KCNJ10: variants seen among roughly 807,000 people sequenced by gnomAD.
KCNJ10 encodes the protein ATP-sensitive inward rectifier potassium channel 10.
A neutral mutation model predicts 22.2 loss-of-function variants in KCNJ10; 9 were observed. The observed-to-expected ratio is 0.40, with a 90% CI of 0.24 to 0.71. KCNJ10 has a LOEUF of 0.71. Among genes scored for constraint, KCNJ10 ranks in the 30% least tolerant of loss-of-function variants. The pLI is 0.35. For missense variants in KCNJ10, 337 were observed against 482.7 expected (o/e 0.70, Z 2.83); for synonymous variants, 184 against 187.3 (o/e 0.98, Z 0.15).
At position 160,066,633 on chromosome 1, in the gene KCNJ10, A is replaced by T. The variant is rs182906782; in HGVS notation, c.-1+3389T>A. Among the ~76,000 whole-genome samples, 56 of 152,302 alleles carry T rather than the reference A, an allele frequency of 3.7e-4. No homozygotes were observed. The East Asian group carries it at 0.01, about 28-fold the overall frequency. On this transcript the variant is annotated intron_variant, in intron 1 of 1. Coordinates refer to ENST00000644903, the MANE Select transcript of KCNJ10 (RefSeq NM_002241.5). ...GCTACTAAGTGGTAAACCAGGACCG[A>T]ATCCCACAAAGTCAGACTCCAAGGC...
Position 160,041,393 on chromosome 1 carries a change from T to A in KCNJ10, c.1140A>T (p.Ter380CysextTer1), listed in dbSNP as rs1648596230. The change falls in exon 2 of 2, where the codon TGA becomes TGT. Residue 380 changes from the stop codon to cysteine (C), a stop_lost. Coordinates refer to ENST00000644903, the MANE Select transcript of KCNJ10 (RefSeq NM_002241.5). This position sits in a 1 kb window ranked among gnomAD's most constrained non-coding sequence, Gnocchi z 4.4. ...GGAATGGGGGAGTGGGAACAGGTCATCAGACATTGCTGATGCGCACACTAA... is the reference window on the plus strand; with the variant it reads ...GGAATGGGGGAGTGGGAACAGGTCAACAGACATTGCTGATGCGCACACTAA... ...SALSVRISNV* is the reference protein window; with the variant it reads ...SALSVRISNVC 3.1e-6 allele frequency: 5 copies of A among 1,611,850 alleles called. No homozygotes were observed. Among genetic ancestry groups the A allele is most frequent in the Non-Finnish European group, 4.2e-6 (5 of 1,179,652 alleles).
intron 1 of KCNJ10, among the ~76,000 whole-genome samples, chr1:160,068,447 C>G (rs1228544306): frequency 1.3e-5 from 2 of 152,098 alleles, no homozygotes; most frequent in Non-Finnish European, 2.9e-5. Context: ...GCCCAGATCA[C>G]CCCCCAACAC....
At chr1:160,053,241 C>T (rs75012657) in intron 1 of KCNJ10, among the ~76,000 whole-genome samples, 3 of 152,330 alleles carry the variant, frequency 2.0e-5, no homozygotes, top group African/African-American at 7.2e-5. Flanking sequence ...TACTCAGCCT[C>T]ATCTCACCAA....
Position 160,040,469 on chromosome 1 carries a change from G to A in KCNJ10, c.*924C>T. 1 of 398,590 alleles carries A rather than the reference G, an allele frequency of 2.5e-6. No homozygotes were observed. The allele number at this position is 398,590 out of a possible 1,614,324, so 24.7% of individuals were successfully genotyped here. ...AGCAGGAAAGGAAGAAGAGAAGCCAGGTACAGTGTAATCTGGAATATTATT... is the reference window on the plus strand; with the variant it reads ...AGCAGGAAAGGAAGAAGAGAAGCCAAGTACAGTGTAATCTGGAATATTATT... On this transcript the variant is annotated 3_prime_UTR_variant, in exon 2 of 2. Coordinates refer to ENST00000644903, the MANE Select transcript of KCNJ10 (RefSeq NM_002241.5).
intron 1 of KCNJ10, among the ~76,000 whole-genome samples, chr1:160,056,456 C>A (rs1258681718): frequency 2.0e-5 from 3 of 152,192 alleles, no homozygotes; most frequent in Admixed American, 2.0e-4. Context: ...GCTCGGGCAG[C>A]TCGCTCTACC....
Position 160,040,485 on chromosome 1 carries a change from G to C in KCNJ10, c.*908C>G. 2.5e-6 allele frequency: 1 copy of C among 398,600 alleles called. No individual in the cohort carries two copies. The highest frequency in any genetic ancestry group is 3.6e-5 in the East Asian group (1 of 28,084). 24.7% of individuals were successfully genotyped at this position (398,600 alleles called of 1,614,324 possible). On this transcript the variant is annotated 3_prime_UTR_variant, in exon 2 of 2. Coordinates refer to ENST00000644903, the MANE Select transcript of KCNJ10 (RefSeq NM_002241.5). ...GAGAAGCCAGGTACAGTGTAATCTGGAATATTATTTTCAGACCTTTCCATG... is the reference window on the plus strand; with the variant it reads ...GAGAAGCCAGGTACAGTGTAATCTGCAATATTATTTTCAGACCTTTCCATG...
chr1:160,044,242 A>T (rs887390476), intron 1 of KCNJ10, among the ~76,000 whole-genome samples: 1 of 152,210 alleles, frequency 6.6e-6, no homozygotes, highest in African/African-American at 2.4e-5. Flanking sequence ...GTTCAACCAG[A>T]CCTGGATGTC....
intron 1 of KCNJ10, among the ~76,000 whole-genome samples, chr1:160,043,269 T>TAA (rs200572825): frequency 3.8e-5 from 2 of 52,342 alleles, no homozygotes; most frequent in Non-Finnish European, 7.5e-5. Context: ...CAATCCCCCT[T>TAA]AAAACACACA....
intron 1 of KCNJ10, among the ~76,000 whole-genome samples, chr1:160,062,226 C>G (rs1012636741): frequency 6.6e-6 from 1 of 152,074 alleles, no homozygotes; most frequent in South Asian, 2.1e-4. Flanking sequence ...CCCACTCCCC[C>G]GTGCTCTCTG....
At chr1:160,067,446 TG>T (rs1649346598) in intron 1 of KCNJ10, among the ~76,000 whole-genome samples, 1 of 152,182 alleles carries the variant, frequency 6.6e-6, no homozygotes, top group South Asian at 2.1e-4. Flanking sequence ...CACCCACCAT[TG>T]GGTGCTAAAA....
intron 1 of KCNJ10, among the ~76,000 whole-genome samples, chr1:160,056,738 T>G (rs1649044175): frequency 6.6e-6 from 1 of 152,212 alleles, no homozygotes; most frequent in Non-Finnish European, 1.5e-5. Context: ...CCTAATTGGT[T>G]AGTAAAGAGG....
chr1:160,058,552 G>A (rs756152986), intron 1 of KCNJ10, among the ~76,000 whole-genome samples: 13 of 152,236 alleles, frequency 8.5e-5, no homozygotes, highest in Non-Finnish European at 1.2e-4. Flanking sequence ...TGGCCAGGTC[G>A]TCCTAGGGGA....
intron 1 of KCNJ10, among the ~76,000 whole-genome samples, chr1:160,046,772 T>G (rs1323144085): frequency 1.3e-5 from 2 of 152,166 alleles, no homozygotes; most frequent in Non-Finnish European, 2.9e-5. Flanking sequence ...GCCAGGCCCC[T>G]GGGGAAGGAA....
intron 1 of KCNJ10, among the ~76,000 whole-genome samples, chr1:160,058,398 G>A (rs963453139): frequency 2.0e-5 from 3 of 152,206 alleles, no homozygotes; most frequent in Non-Finnish European, 4.4e-5. Flanking sequence ...CTTAGTAGGA[G>A]TGCCTCAGTG....
chr1:160,065,684 G>A (rs373605699), intron 1 of KCNJ10, among the ~76,000 whole-genome samples: 1 of 152,184 alleles, frequency 6.6e-6, no homozygotes, highest in South Asian at 2.1e-4. Flanking sequence ...TCTGAAGAGT[G>A]CAGTTCCACA....
rs1648574656 is a variant in KCNJ10, at chr1:160,040,395, C to T, written c.*998G>A. ...TAAGAGAGGAAGGCCCTTGCATTTT[C>T]CCTCCCTTCTCCCAAAGAGTTGGGG... On this transcript the variant is annotated 3_prime_UTR_variant, in exon 2 of 2. Coordinates refer to ENST00000644903, the MANE Select transcript of KCNJ10 (RefSeq NM_002241.5). The T allele has an allele frequency of 5.0e-6, 2 of 396,430 alleles. No homozygotes were observed. Among genetic ancestry groups the T allele is most frequent in the Admixed American group, 4.4e-5 (1 of 22,684 alleles). The allele number at this position is 396,430 out of a possible 1,614,324, so 24.6% of individuals were successfully genotyped here.
intron 1 of KCNJ10, among the ~76,000 whole-genome samples, chr1:160,066,857 T>C (rs918531932): frequency 1.3e-5 from 2 of 152,188 alleles, no homozygotes; most frequent in Admixed American, 6.5e-5. Flanking sequence ...GTTTTTGTTT[T>C]GTTTTGGTTG....
intron 1 of KCNJ10, among the ~76,000 whole-genome samples, chr1:160,062,906 T>G (rs1192136817): frequency 6.6e-6 from 1 of 152,162 alleles, no homozygotes; most frequent in Non-Finnish European, 1.5e-5. Flanking sequence ...GCTCTGGTTC[T>G]GGAGGCTGAA....
At chr1:160,045,212 G>T (rs1181503456) in intron 1 of KCNJ10, among the ~76,000 whole-genome samples, 1 of 152,116 alleles carries the variant, frequency 6.6e-6, no homozygotes, top group Non-Finnish European at 1.5e-5. Context: ...ACTGGTGAGG[G>T]GACCATGATA....
Sources: allele counts gnomAD v4.1 joint callset (sites outside exome capture counted in the v4.1 genomes callset), GRCh38; gene constraint gnomAD v4.1.1; non-coding constraint Gnocchi (gnomAD v3.1); transcripts MANE v1.5; gene names NCBI Gene and HGNC (gene_info 2026-07-23, HGNC 2026-07-21).